Variants in MANBA observed in about 807,000 individuals in gnomAD.
MANBA encodes mannosidase beta, also known as beta-mannosidase.
In MANBA, 83 loss-of-function variants were observed where a neutral mutation model predicts 111.1. The ratio of observed to expected loss-of-function variants is 0.75; its 90% CI spans 0.63 to 0.90. The LOEUF (loss-of-function observed/expected upper bound fraction) is 0.90, where lower values mean the gene tolerates loss of function less well. Ranked by LOEUF, MANBA falls within the 40% of genes least tolerant of loss-of-function variation. MANBA has a pLI of 0.00. For synonymous variants in MANBA, 370 were observed against 378.7 expected (o/e 0.98, Z 0.27); for missense variants, 1,036 against 1,069.0 (o/e 0.97, Z 0.43).
At chr4:102,735,371 C>T (rs1723178020) in intron 1 of MANBA, among the ~76,000 whole-genome samples, 1 of 151,934 alleles carries the variant, frequency 6.6e-6, no homozygotes, top group Non-Finnish European at 1.5e-5. Context: ...TTTACTTCCA[C>T]CTGTACATCC....
Position 102,723,880 on chromosome 4 carries a change from G to A in MANBA, c.360C>T (p.Asp120=). Residue 120 remains aspartate (D), a synonymous_variant, in exon 3 of 17, where the codon GAC becomes GAT. Coordinates refer to ENST00000647097, the MANE Select transcript of MANBA (RefSeq NM_005908.4). The stretch of plus-strand genomic sequence containing the variant: ...TACTTACATATCTATTGAACATATT[G>A]TCTGTTTCCCCAATAGTGACTTCAT... ...LFNEVTIGET[D]NMFNRYSFDI... The A allele has an allele frequency of 6.3e-7, 1 of 1,590,506 alleles. No individual in the cohort carries two copies. Among genetic ancestry groups the A allele is most frequent in the Non-Finnish European group, 8.6e-7 (1 of 1,159,478 alleles).
intron 7 of MANBA, among the ~76,000 whole-genome samples, chr4:102,683,654 G>C (rs1397403213): frequency 6.6e-6 from 1 of 152,136 alleles, no homozygotes; most frequent in Non-Finnish European, 1.5e-5. Context: ...TTTACCCAGA[G>C]TATCCTCTAC....
chr4:102,751,907 A>G, intron 1 of MANBA: 1 of 619,776 alleles, frequency 1.6e-6, no homozygotes, highest in South Asian at 1.4e-5. Flanking sequence ...CTATTCTCTT[A>G]TGGGAGTGGA....
At chr4:102,635,088 G>T (rs976450618) in intron 15 of MANBA, 43 bp from the exon 16 acceptor site, 3 of 1,607,080 alleles carry the variant, frequency 1.9e-6, no homozygotes, top group African/African-American at 1.3e-5. Flanking sequence ...ATTCTTGGTT[G>T]CTATGTTTTT....
intron 1 of MANBA, among the ~76,000 whole-genome samples, chr4:102,743,039 G>C (rs539191549): frequency 1.3e-4 from 20 of 152,358 alleles, no homozygotes; most frequent in Admixed American, 3.9e-4. Flanking sequence ...GGCAATGACA[G>C]GGATGGCTGG....
At chr4:102,717,094 T>G (rs1722369153) in intron 4 of MANBA, among the ~76,000 whole-genome samples, 1 of 152,124 alleles carries the variant, frequency 6.6e-6, no homozygotes, top group South Asian at 2.1e-4. Context: ...ATAATCAACA[T>G]CTTATGAGGG....
intron 13 of MANBA, among the ~76,000 whole-genome samples, chr4:102,647,273 A>T (rs1192673752): frequency 6.8e-6 from 1 of 147,942 alleles, no homozygotes; most frequent in African/African-American, 2.5e-5. Context: ...GTGCCAAGGT[A>T]GACACTAACA....
At position 102,657,868 on chromosome 4, in the gene MANBA, A is replaced by G; in HGVS notation, c.1518T>C (p.Ser506=). 6.2e-7 allele frequency: 1 copy of G among 1,613,478 alleles called. No homozygotes were observed. The highest frequency in any genetic ancestry group is 8.5e-7 in the Non-Finnish European group (1 of 1,179,384). ...CAACAGTTTCAGCCCCATTTGTAGG[A>G]CTGGACGTAATAAAAGGACGACTCT... ...GDKSRPFITS[S]PTNGAETVAE... Residue 506 remains serine (S), a synonymous_variant, in exon 12 of 17, where the codon AGT becomes AGC. Coordinates refer to ENST00000647097, the MANE Select transcript of MANBA (RefSeq NM_005908.4).
chr4:102,745,889 G>C (rs1723568609), intron 1 of MANBA, among the ~76,000 whole-genome samples: 1 of 152,076 alleles, frequency 6.6e-6, no homozygotes, highest in Admixed American at 6.6e-5. Context: ...TCTCCTCAAG[G>C]GTCACTCTGA....
At chr4:102,699,540 C>T (rs1484642872) in intron 5 of MANBA, among the ~76,000 whole-genome samples, 2 of 150,338 alleles carry the variant, frequency 1.3e-5, no homozygotes, top group Non-Finnish European at 3.0e-5. Flanking sequence ...CCATCAATAC[C>T]TAATTTATTG....
At chr4:102,644,354 T>C (rs1302128885) in intron 13 of MANBA, among the ~76,000 whole-genome samples, 1 of 152,142 alleles carries the variant, frequency 6.6e-6, no homozygotes, top group Non-Finnish European at 1.5e-5. Context: ...ATTACAGCAT[T>C]ATTTACAATA....
intron 6 of MANBA, 116 bp from the exon 7 acceptor site, chr4:102,689,800 G>A (rs1350153146): frequency 2.9e-6 from 2 of 696,454 alleles, no homozygotes; most frequent in African/African-American, 3.6e-5. Context: ...CTAAAACAAT[G>A]TAAGTCTCCC....
chr4:102,751,181 G>T (rs1463377270), intron 1 of MANBA, among the ~76,000 whole-genome samples: 2 of 152,204 alleles, frequency 1.3e-5, no homozygotes, highest in Non-Finnish European at 2.9e-5. Flanking sequence ...ACTTATGAGT[G>T]ATAACCTGCA....
At chr4:102,672,903 C>CA (rs1297043736) in intron 8 of MANBA, among the ~76,000 whole-genome samples, 1 of 152,122 alleles carries the variant, frequency 6.6e-6, no homozygotes, top group Non-Finnish European at 1.5e-5. Context: ...TTATTGGTGC[C>CA]AAAAAGGTTT....
chr4:102,634,709 G>A, intron 16 of MANBA, 79 bp downstream of exon 16: 1 of 1,579,220 alleles, frequency 6.3e-7, no homozygotes, highest in Non-Finnish European at 8.7e-7. Context: ...GCAAATCTCA[G>A]GATGCAAGGA....
intron 12 of MANBA, among the ~76,000 whole-genome samples, chr4:102,657,233 T>TGGGGGGGGGGGG (rs1730603182): frequency 2.3e-5 from 1 of 43,410 alleles, no homozygotes; most frequent in African/African-American, 9.6e-5. Context: ...GGGGGGGGGG[T>TGGGGGGGGGGGG]GGGCGGTGGT....
intron 1 of MANBA, among the ~76,000 whole-genome samples, chr4:102,739,047 T>C (rs1241376626): frequency 6.6e-6 from 1 of 152,036 alleles, no homozygotes; most frequent in Non-Finnish European, 1.5e-5. Flanking sequence ...TAAATGAAAT[T>C]GATAGACCAC....
chr4:102,650,945 AG>A (rs1730307948), intron 12 of MANBA: 1 of 457,640 alleles, frequency 2.2e-6, no homozygotes, highest in South Asian at 2.9e-5. Flanking sequence ...CAACTAAGAA[AG>A]TTATATTTTG....
At chr4:102,710,995 C>T (rs1430466528) in intron 5 of MANBA, among the ~76,000 whole-genome samples, 8 of 151,990 alleles carry the variant, frequency 5.3e-5, no homozygotes, top group Admixed American at 5.2e-4. Context: ...AAACATAAGA[C>T]CTGAAACGAT....
Sources: allele counts gnomAD v4.1 joint callset (sites outside exome capture counted in the v4.1 genomes callset), GRCh38; gene constraint gnomAD v4.1.1; transcripts MANE v1.5; gene names NCBI Gene and HGNC (gene_info 2026-07-23, HGNC 2026-07-21).